Variants in PRELID2 observed in about 807,000 individuals in gnomAD.
PRELID2 encodes the protein PRELI domain-containing protein 2.
Under a neutral mutation model 28.4 loss-of-function variants are expected in PRELID2, and 25 were observed. The observed-to-expected ratio is 0.88, with a 90% CI of 0.64 to 1.23. PRELID2 has a LOEUF of 1.23. PRELID2 is among the 50% of genes most tolerant of loss of function. PRELID2 has a pLI of 0.00. For synonymous variants in PRELID2, 76 were observed against 71.6 expected (o/e 1.06, Z -0.31); for missense variants, 201 against 214.4 (o/e 0.94, Z 0.39).
chr5:145,745,299 T>C (rs1025652939), intron 1 of PRELID2, among the ~76,000 whole-genome samples: 1 of 152,124 alleles, frequency 6.6e-6, no homozygotes, highest in Non-Finnish European at 1.5e-5. Flanking sequence ...CAGGATATTA[T>C]CCAGGAGACC....
the PRELID2 span, among the ~76,000 whole-genome samples, chr5:145,265,034 A>G: frequency 2.0e-5 from 3 of 151,456 alleles, no homozygotes; most frequent in Non-Finnish European, 4.4e-5. Flanking sequence ...TGCTGATGAC[A>G]TGATTGTATA....
At chr5:145,249,602 A>C in the PRELID2 span, among the ~76,000 whole-genome samples, 1 of 152,098 alleles carries the variant, frequency 6.6e-6, no homozygotes, top group Non-Finnish European at 1.5e-5. Flanking sequence ...GGTTGCCAGG[A>C]GAAATAAATT....
the PRELID2 span, among the ~76,000 whole-genome samples, chr5:145,360,402 A>G: frequency 5.9e-5 from 9 of 152,210 alleles, no homozygotes; most frequent in South Asian, 2.1e-4. Context: ...TGCAGGTAAG[A>G]TCTCCCACAG....
chr5:145,613,201 G>A (rs1305860354), intron 1 of PRELID2, among the ~76,000 whole-genome samples: 1 of 151,596 alleles, frequency 6.6e-6, no homozygotes, highest in African/African-American at 2.4e-5. Flanking sequence ...ATCGCATTGT[G>A]GTTTTGATTT....
the PRELID2 span, among the ~76,000 whole-genome samples, chr5:145,267,735 T>C: frequency 6.6e-6 from 1 of 152,200 alleles, no homozygotes; most frequent in Non-Finnish European, 1.5e-5. Context: ...ACTTTCAAAC[T>C]GCTCTCCATA....
At chr5:145,748,603 T>C (rs1392979449) in intron 1 of PRELID2, among the ~76,000 whole-genome samples, 1 of 152,172 alleles carries the variant, frequency 6.6e-6, no homozygotes, top group Non-Finnish European at 1.5e-5. Context: ...TTGACATTCT[T>C]CACAGAATTA....
chr5:145,391,770 C>T, the PRELID2 span, among the ~76,000 whole-genome samples: 2 of 151,142 alleles, frequency 1.3e-5, no homozygotes, highest in Non-Finnish European at 2.9e-5. Context: ...TTGCTGCTTA[C>T]AAATTTTTTC....
rs183865852 is a variant in PRELID2, at chr5:145,745,020, G to T, written n.70+19911C>A. Among the ~76,000 whole-genome samples the T allele has an allele frequency of 4.3e-3, 647 of 152,088 alleles. 4 individuals are homozygous for T. The highest frequency in any genetic ancestry group is 0.017 in the Middle Eastern group (5 of 294). ...AACCAGTTTAGAAAGGAACATAAATGATCTGATGGAGCTAAAAACACAGCA... is the reference window on the plus strand; with the variant it reads ...AACCAGTTTAGAAAGGAACATAAATTATCTGATGGAGCTAAAAACACAGCA... On this transcript the variant is annotated intron_variant and non_coding_transcript_variant, in intron 1 of 2. Coordinates refer to the PRELID2 transcript ENST00000510259.
At chr5:145,792,278 C>T (rs1305019171) in intron 5 of PRELID2, among the ~76,000 whole-genome samples, 3 of 152,136 alleles carry the variant, frequency 2.0e-5, no homozygotes, top group Non-Finnish European at 4.4e-5. Context: ...AACTACTTTG[C>T]CACTTGGGAC....
chr5:145,581,398 G>A (rs577781954), intron 1 of PRELID2, among the ~76,000 whole-genome samples: 1 of 152,202 alleles, frequency 6.6e-6, no homozygotes, highest in South Asian at 2.1e-4. Context: ...GCGCAGACAT[G>A]CAAGGATATA....
chr5:145,748,963 C>T (rs1274998233), intron 1 of PRELID2, among the ~76,000 whole-genome samples: 2 of 152,108 alleles, frequency 1.3e-5, no homozygotes, highest in Non-Finnish European at 2.9e-5. Flanking sequence ...ACACCTTATA[C>T]AAAAATTAAC....
the PRELID2 span, among the ~76,000 whole-genome samples, chr5:145,383,582 C>CT: frequency 1.3e-5 from 2 of 148,576 alleles, no homozygotes; most frequent in African/African-American, 5.0e-5. Flanking sequence ...GGGAAAAAAT[C>CT]TTTTTAACAA....
intron 1 of PRELID2, among the ~76,000 whole-genome samples, chr5:145,741,155 AATAT>A (rs1756709264): frequency 8.6e-6 from 1 of 115,798 alleles, no homozygotes; most frequent in African/African-American, 3.5e-5. Flanking sequence ...AAATATGTAA[AATAT>A]ATAAATATAT....
At chr5:145,342,902 T>TAA in the PRELID2 span, among the ~76,000 whole-genome samples, 2,290 of 128,918 alleles carry the variant, frequency 0.018, 12 homozygotes, top group African/African-American at 0.034. Context: ...TCAAAAACAG[T>TAA]AAAAAAAAAA....
intron 1 of PRELID2, among the ~76,000 whole-genome samples, chr5:145,635,517 C>T (rs1753988143): frequency 6.6e-6 from 1 of 152,156 alleles, no homozygotes; most frequent in Admixed American, 6.5e-5. Context: ...TTAGCATCCC[C>T]ACTTGAAGAA....
chr5:145,622,634 T>C (rs955317834), intron 1 of PRELID2, among the ~76,000 whole-genome samples: 12 of 152,186 alleles, frequency 7.9e-5, no homozygotes, highest in African/African-American at 2.9e-4. Flanking sequence ...AGTTAAAGTA[T>C]TATGATTTCC....
intron 1 of PRELID2, among the ~76,000 whole-genome samples, chr5:145,549,419 T>C (rs1469448320): frequency 6.6e-6 from 1 of 152,222 alleles, no homozygotes; most frequent in Non-Finnish European, 1.5e-5. Flanking sequence ...TATGCTCTAC[T>C]ACAGTTCGGA....
chr5:145,767,240 C>T (rs1757820276), intron 5 of PRELID2, among the ~76,000 whole-genome samples: 1 of 151,070 alleles, frequency 6.6e-6, no homozygotes. Flanking sequence ...AGCTTGACTT[C>T]AGAGGGATGG....
chr5:145,297,996 C>T, the PRELID2 span, among the ~76,000 whole-genome samples: 3 of 152,110 alleles, frequency 2.0e-5, no homozygotes, highest in Non-Finnish European at 4.4e-5. Context: ...AAGAACATTC[C>T]ATTCTCATGG....
Sources: allele counts gnomAD v4.1 joint callset (sites outside exome capture counted in the v4.1 genomes callset), GRCh38; gene constraint gnomAD v4.1.1; transcripts MANE v1.5; gene names NCBI Gene and HGNC (gene_info 2026-07-23, HGNC 2026-07-21).